The following DOCK8 variants were observed in gnomAD, a reference collection of about 807,000 sequenced individuals.
DOCK8 encodes the protein dedicator of cytokinesis 8.
A neutral mutation model predicts 245.6 loss-of-function variants in DOCK8; 141 were observed. The observed-to-expected ratio is 0.57, with a 90% CI of 0.50 to 0.66. The LOEUF is 0.66. DOCK8 is among the 30% of genes least tolerant of loss of function. The pLI is 0.00. For missense variants in DOCK8, 2,965 were observed against 2,603.4 expected (o/e 1.14, Z -3.02); for synonymous variants, 1,168 against 970.2 (o/e 1.20, Z -3.79).
chr9:282,413 G>GTT (rs58014606), intron 2 of DOCK8, among the ~76,000 whole-genome samples: 5,303 of 131,622 alleles, frequency 0.04, 257 homozygotes, highest in African/African-American at 0.1. Context: ...GTTTCGTTTT[G>GTT]TTTTTTTTTT....
chr9:246,773 C>G (rs546225823), intron 1 of DOCK8, among the ~76,000 whole-genome samples: 6 of 151,852 alleles, frequency 4.0e-5, no homozygotes, highest in African/African-American at 1.4e-4. Flanking sequence ...TTTTTTAAAG[C>G]TTTTATTTAT....
intron 1 of DOCK8, among the ~76,000 whole-genome samples, chr9:217,009 A>G (rs2046771811): frequency 6.6e-6 from 1 of 152,178 alleles, no homozygotes; most frequent in South Asian, 2.1e-4. Context: ...AGTAGAGTTG[A>G]TCATAGTACC....
At chr9:332,243 A>G (rs997301277) in intron 9 of DOCK8, among the ~76,000 whole-genome samples, 155 bp from the exon 10 acceptor site, 1 of 152,108 alleles carries the variant, frequency 6.6e-6, no homozygotes, top group Non-Finnish European at 1.5e-5. Flanking sequence ...ATTGTATGCT[A>G]TTCTTTATAT....
chr9:307,338 G>GTTTTTTTTTTTTTTTTTTTTTT (rs1165775428), intron 5 of DOCK8, among the ~76,000 whole-genome samples: 1 of 51,216 alleles, frequency 2.0e-5, no homozygotes, highest in African/African-American at 5.8e-5. Context: ...GGTTTTTTTT[G>GTTTTTTTTTTTTTTTTTTTTTT]TTTTTTTTTT....
chr9:449,564 GAATAAATGCT>G (rs2057366000), intron 44 of DOCK8, among the ~76,000 whole-genome samples: 1 of 152,126 alleles, frequency 6.6e-6, no homozygotes, highest in Non-Finnish European at 1.5e-5. Context: ...TTGTTGAGAG[GAATAAATGCT>G]AAATGTATGT....
intron 1 of DOCK8, among the ~76,000 whole-genome samples, chr9:243,843 A>G (rs1378413578): frequency 1.3e-5 from 2 of 152,072 alleles, no homozygotes; most frequent in Non-Finnish European, 2.9e-5. Flanking sequence ...GGCATCCTCA[A>G]AGACAATCCA....
At position 441,819 on chromosome 9, in the gene DOCK8, C is replaced by T. The variant is rs543769144; in HGVS notation, c.5356-56C>T. 9.3e-5 allele frequency: 136 copies of T among 1,470,250 alleles called. 1 individual carries two copies. The South Asian group carries it at 1.5e-3, about 16-fold the overall frequency. The allele number at this position is 1,470,250 out of a possible 1,614,324, so 91.1% of individuals were successfully genotyped here. A position where few individuals can be genotyped will look rare whatever the true frequency, so the allele number is the denominator to read the frequency against. Reference sequence around the variant, plus strand: ...TGAGAGACCCCTGCCCTTTGCAACTCAGTGGCTCCTCAGGATGACATAACT... The same window carrying T: ...TGAGAGACCCCTGCCCTTTGCAACTTAGTGGCTCCTCAGGATGACATAACT... On this transcript the variant is annotated intron_variant, in intron 41 of 47. Transcript: ENST00000432829.
chr9:463,469 A>G, intron 46 of DOCK8, 48 bp from the exon 47 acceptor site: 7 of 1,603,856 alleles, frequency 4.4e-6, no homozygotes, highest in Non-Finnish European at 6.0e-6. Flanking sequence ...CAGATTTCTA[A>G]GCACTTCAAA....
At chr9:232,363 T>A in intron 1 of DOCK8, among the ~76,000 whole-genome samples, 1 of 152,216 alleles carries the variant, frequency 6.6e-6, no homozygotes. Flanking sequence ...TTCTCTTTTT[T>A]GGTTGTGTCT....
rs1415139565 is a variant in DOCK8, at chr9:379,302, A to G, written c.2441-469A>G. ...CATTTTTAGGTTAATCTGTACAAGAATCAGGGTTGTGCAGCACATCTCAAA... is the reference window on the plus strand; with the variant it reads ...CATTTTTAGGTTAATCTGTACAAGAGTCAGGGTTGTGCAGCACATCTCAAA... On this transcript the variant is annotated intron_variant, in intron 20 of 47. Coordinates refer to ENST00000432829, the MANE Select transcript of DOCK8 (RefSeq NM_203447.4). Among the ~76,000 whole-genome samples, 4 of 152,174 alleles carry G rather than the reference A, an allele frequency of 2.6e-5. 1 individual carries two copies. The highest frequency in any genetic ancestry group is 2.6e-4 in the Admixed American group (4 of 15,272).
intron 47 of DOCK8, 79 bp downstream of exon 47, chr9:463,766 G>C (rs1418702876): frequency 1.3e-6 from 2 of 1,549,976 alleles, no homozygotes; most frequent in African/African-American, 2.7e-5. Flanking sequence ...GGCATGCTCT[G>C]CTGCACTTGG....
intron 1 of DOCK8, among the ~76,000 whole-genome samples, chr9:236,380 A>T (rs1474962408): frequency 6.6e-6 from 1 of 152,214 alleles, no homozygotes; most frequent in African/African-American, 2.4e-5. Flanking sequence ...TACAAGGGAG[A>T]TTGGCAAATG....
At chr9:451,500 G>A (rs999244190) in intron 45 of DOCK8, among the ~76,000 whole-genome samples, 1 of 151,836 alleles carries the variant, frequency 6.6e-6, no homozygotes, top group African/African-American at 2.4e-5. Flanking sequence ...GCACACACCT[G>A]TAGTCTCAGC....
chr9:353,262 T>C (rs1394477527), intron 14 of DOCK8, among the ~76,000 whole-genome samples: 2 of 119,464 alleles, frequency 1.7e-5, no homozygotes, highest in African/African-American at 5.5e-5. Flanking sequence ...AGCAAGGATA[T>C]GTTTATAGAG....
In DOCK8 at chr9:279,590, C is replaced by T. The variant is rs1400529894; in HGVS notation, c.157-6871C>T. On this transcript the variant is annotated intron_variant, in intron 2 of 47. Coordinates refer to ENST00000432829, the MANE Select transcript of DOCK8 (RefSeq NM_203447.4). ...TTTAAGAGACTGGGACACCCTGAGA[C>T]AATTGGTTGCCTTCCATGGGAAGAA... 2.6e-5 allele frequency among the ~76,000 whole-genome samples: 4 copies of T among 152,266 alleles called. No individual in the cohort carries two copies. In the East Asian group the frequency reaches 7.7e-4, roughly 29 times the overall value.
chr9:407,650 T>A (rs2055500124), intron 28 of DOCK8, among the ~76,000 whole-genome samples: 4 of 152,100 alleles, frequency 2.6e-5, no homozygotes, highest in Admixed American at 2.6e-4. Flanking sequence ...GACCACCCCC[T>A]TCTTTCCTTC....
intron 14 of DOCK8, among the ~76,000 whole-genome samples, chr9:354,212 G>A (rs1347764897): frequency 6.6e-6 from 1 of 152,088 alleles, no homozygotes; most frequent in Non-Finnish European, 1.5e-5. Flanking sequence ...GGCGCCTGTA[G>A]TCCCAGCTAC....
At chr9:393,899 G>T (rs1303027192) in intron 24 of DOCK8, among the ~76,000 whole-genome samples, 1 of 152,184 alleles carries the variant, frequency 6.6e-6, no homozygotes, top group Non-Finnish European at 1.5e-5. Context: ...GGCCAATGAG[G>T]ATTGGTGAGA....
intron 16 of DOCK8, 138 bp downstream of exon 16, chr9:370,438 C>A: frequency 1.3e-6 from 1 of 764,356 alleles, no homozygotes; most frequent in Non-Finnish European, 2.3e-6. Context: ...ATGCCAGTTC[C>A]GTGACTCTGT....
Sources: allele counts gnomAD v4.1 joint callset (sites outside exome capture counted in the v4.1 genomes callset), GRCh38; gene constraint gnomAD v4.1.1; transcripts MANE v1.5; gene names NCBI Gene and HGNC (gene_info 2026-07-23, HGNC 2026-07-21).